Variants in STIM2 observed in about 807,000 individuals in gnomAD.
STIM2 encodes the protein stromal interaction molecule 2.
In STIM2, 31 loss-of-function variants were observed where a neutral mutation model predicts 85.8. That is an observed-to-expected ratio of 0.36 (90% CI 0.27 to 0.49). The LOEUF is 0.49. Ranked by LOEUF, STIM2 falls within the 20% of genes least tolerant of loss-of-function variation. STIM2 has a pLI of 0.98. For missense variants in STIM2, 841 were observed against 927.6 expected (o/e 0.91, Z 1.21); for synonymous variants, 356 against 331.1 (o/e 1.08, Z -0.82).
chr4:26,878,781 C>G (rs188478824), intron 1 of STIM2, among the ~76,000 whole-genome samples: 1 of 152,108 alleles, frequency 6.6e-6, no homozygotes. Flanking sequence ...ACAATCATGG[C>G]AGAAGGCGAA....
intron 3 of STIM2, among the ~76,000 whole-genome samples, chr4:26,989,905 A>C (rs1429440180): frequency 6.6e-6 from 1 of 152,172 alleles, no homozygotes; most frequent in Non-Finnish European, 1.5e-5. Flanking sequence ...TTAACCAAGG[A>C]AGTGAAAAAT....
chr4:26,959,967 G>A (rs1216915081), intron 3 of STIM2, among the ~76,000 whole-genome samples: 1 of 152,124 alleles, frequency 6.6e-6, no homozygotes, highest in Non-Finnish European at 1.5e-5. Flanking sequence ...AAAGAGAGAG[G>A]AGTCAAGTGA....
intron 3 of STIM2, among the ~76,000 whole-genome samples, chr4:26,987,082 C>T (rs1051834037): frequency 6.6e-6 from 1 of 152,144 alleles, no homozygotes; most frequent in Non-Finnish European, 1.5e-5. Flanking sequence ...CCTAGTTGTA[C>T]AGCTGGGATG....
At chr4:26,864,668 A>G (rs1722331420) in intron 1 of STIM2, among the ~76,000 whole-genome samples, 1 of 152,114 alleles carries the variant, frequency 6.6e-6, no homozygotes, top group Admixed American at 6.5e-5. Context: ...ATACCATTTC[A>G]CTGATTTGGC....
At chr4:26,895,028 A>G (rs779529266) in intron 1 of STIM2, among the ~76,000 whole-genome samples, 1 of 152,234 alleles carries the variant, frequency 6.6e-6, no homozygotes, top group Non-Finnish European at 1.5e-5. Context: ...CCTGGCCAAC[A>G]TGGTGAAACT....
intron 2 of STIM2, among the ~76,000 whole-genome samples, chr4:26,937,521 C>G (rs1725437455): frequency 1.3e-5 from 2 of 152,128 alleles, no homozygotes; most frequent in Non-Finnish European, 2.9e-5. Flanking sequence ...TGAGTACAGA[C>G]CTGTTTATTC....
At chr4:26,906,303 T>C (rs1276922232) in intron 1 of STIM2, among the ~76,000 whole-genome samples, 4 of 152,074 alleles carry the variant, frequency 2.6e-5, no homozygotes, top group East Asian at 1.9e-4. Flanking sequence ...GAGGTGAAGA[T>C]TGAAAAACCA....
At chr4:26,966,397 T>G (rs1380938567) in intron 3 of STIM2, among the ~76,000 whole-genome samples, 1 of 152,192 alleles carries the variant, frequency 6.6e-6, no homozygotes, top group African/African-American at 2.4e-5. Flanking sequence ...TTCTACTTTA[T>G]GTAGAACAAA....
At chr4:26,916,686 G>C (rs899884538) in intron 1 of STIM2, among the ~76,000 whole-genome samples, 9 of 151,662 alleles carry the variant, frequency 5.9e-5, no homozygotes, top group Admixed American at 3.9e-4. Flanking sequence ...CTGTATGTTG[G>C]TATCTTTGTA....
chr4:26,878,275 G>A (rs1301603960), intron 1 of STIM2, among the ~76,000 whole-genome samples: 6 of 152,006 alleles, frequency 3.9e-5, no homozygotes, highest in Middle Eastern at 3.2e-3. Flanking sequence ...GAACCTTTTC[G>A]GTCGTCCCTT....
chr4:26,990,234 C>A, intron 3 of STIM2, among the ~76,000 whole-genome samples: 1 of 152,144 alleles, frequency 6.6e-6, no homozygotes, highest in East Asian at 1.9e-4. Context: ...ACCAAAGCAT[C>A]ATGGTACCGG....
At chr4:27,019,602 T>C in intron 11 of STIM2, 1 of 729,618 alleles carries the variant, frequency 1.4e-6, no homozygotes, top group Non-Finnish European at 2.0e-6. Context: ...TTTGGAAAAC[T>C]TTTCTTCCTC....
chr4:27,025,324 T>C lies in STIM2; in HGVS notation c.*2328T>C, dbSNP rs563867859. On this transcript the variant is annotated 3_prime_UTR_variant, in exon 12 of 12. Transcript: ENST00000467087. ...TTTTTAAAATTATCCATTTGTTACT[T>C]TAACATTTTAAAATTATGGTGTTTT... 2 of 151,932 alleles carry C rather than the reference T, an allele frequency of 1.3e-5. No individual in the cohort carries two copies. The highest frequency in any genetic ancestry group is 3.9e-4 in the East Asian group (2 of 5,174). 9.4% of individuals were successfully genotyped at this position (151,932 alleles called of 1,614,324 possible).
At chr4:27,002,849 C>T (rs1002474025) in intron 6 of STIM2, 78 bp from the exon 7 acceptor site, 23 of 1,221,592 alleles carry the variant, frequency 1.9e-5, no homozygotes, top group Non-Finnish European at 2.3e-5. Flanking sequence ...AATCGCTTGA[C>T]CCAGTATTCA....
chr4:26,941,361 A>G (rs1358435453), intron 2 of STIM2, among the ~76,000 whole-genome samples: 2 of 151,884 alleles, frequency 1.3e-5, no homozygotes, highest in Non-Finnish European at 2.9e-5. Context: ...CCTTTATGGT[A>G]TTTGTTGGTT....
At chr4:26,955,189 T>G (rs1172295774) in intron 2 of STIM2, among the ~76,000 whole-genome samples, 1 of 147,598 alleles carries the variant, frequency 6.8e-6, no homozygotes, top group Non-Finnish European at 1.5e-5. Flanking sequence ...ATGTTTGGCA[T>G]ATATCCATAA....
chr4:26,958,685 T>C (rs1726337755), intron 3 of STIM2, among the ~76,000 whole-genome samples: 1 of 151,900 alleles, frequency 6.6e-6, no homozygotes, highest in East Asian at 1.9e-4. Context: ...ATATAGACTT[T>C]TAAAAAAACC....
chr4:26,894,940 G>C (rs1308017670), intron 1 of STIM2, among the ~76,000 whole-genome samples: 1 of 152,148 alleles, frequency 6.6e-6, no homozygotes, highest in Non-Finnish European at 1.5e-5. Context: ...GGCCGGGTGC[G>C]GTGGCTCACA....
chr4:27,002,027 A>G (rs1320088674), intron 5 of STIM2, among the ~76,000 whole-genome samples, 190 bp from the exon 6 acceptor site: 3 of 152,336 alleles, frequency 2.0e-5, no homozygotes, highest in East Asian at 1.9e-4. Flanking sequence ...CTATAAGTCT[A>G]GTATATCAAA....
Sources: gnomAD v4.1 joint callset for allele counts (sites outside exome capture counted in the v4.1 genomes callset) on GRCh38, gnomAD v4.1.1 for gene constraint, MANE v1.5 for transcripts, NCBI Gene and HGNC (gene_info 2026-07-23, HGNC 2026-07-21) for gene names.